LDB2: variants seen among roughly 807,000 people sequenced by gnomAD.
The protein encoded by LDB2 is LIM domain-binding protein 2.
A neutral mutation model predicts 44.3 loss-of-function variants in LDB2; 12 were observed. The observed-to-expected ratio is 0.27, with a 90% confidence interval of 0.17 to 0.44. The LOEUF is 0.44. Among genes scored for constraint, LDB2 ranks in the 20% least tolerant of loss-of-function variants. LDB2 has a pLI of 1.00. For synonymous variants in LDB2, 164 were observed against 174.8 expected (o/e 0.94, Z 0.49); for missense variants, 344 against 473.5 (o/e 0.73, Z 2.54).
intron 1 of LDB2, among the ~76,000 whole-genome samples, chr4:16,800,314 C>A (rs1248200058): frequency 6.6e-6 from 1 of 152,090 alleles, no homozygotes; most frequent in African/African-American, 2.4e-5. Flanking sequence ...TTATTTGTAT[C>A]GAGTTGATTA....
Position 16,795,790 on chromosome 4 carries a change from C to T in LDB2, c.133-36530G>A, listed in dbSNP as rs1348336382. On this transcript the variant is annotated intron_variant, in intron 1 of 7. Coordinates refer to ENST00000304523, the MANE Select transcript of LDB2 (RefSeq NM_001290.5). ...GTAGGACCAGTACATAATAGATAGTCGCTAAACGGTACCTATTATAATTGT... is the reference window on the plus strand; with the variant it reads ...GTAGGACCAGTACATAATAGATAGTTGCTAAACGGTACCTATTATAATTGT... Among the ~76,000 whole-genome samples the T allele has an allele frequency of 2.0e-5, 3 of 152,124 alleles. No homozygotes were observed. In the East Asian group the frequency reaches 5.8e-4, roughly 29 times the overall value.
At chr4:16,811,608 C>T (rs374373415) in intron 1 of LDB2, among the ~76,000 whole-genome samples, 2 of 152,174 alleles carry the variant, frequency 1.3e-5, no homozygotes, top group East Asian at 1.9e-4. Flanking sequence ...TGTAGTTTAT[C>T]TAACCCCAAA....
intron 5 of LDB2, among the ~76,000 whole-genome samples, chr4:16,545,279 A>G (rs994145954): frequency 1.3e-5 from 2 of 151,044 alleles, no homozygotes; most frequent in African/African-American, 4.9e-5. Flanking sequence ...TGCAGGATAG[A>G]TATTTCTGGT....
chr4:16,649,595 C>A (rs957877960), intron 2 of LDB2, among the ~76,000 whole-genome samples: 4 of 152,186 alleles, frequency 2.6e-5, no homozygotes, highest in Admixed American at 6.5e-5. Context: ...CAGATCCAGA[C>A]TGCTTAGATT....
chr4:16,840,952 T>C (rs563978414), intron 1 of LDB2, among the ~76,000 whole-genome samples: 33 of 152,308 alleles, frequency 2.2e-4, no homozygotes, highest in Admixed American at 2.0e-3. Flanking sequence ...GCCAGTAACA[T>C]AGACTTGATT....
chr4:16,821,059 A>G (rs778807118), intron 1 of LDB2, among the ~76,000 whole-genome samples: 36 of 152,218 alleles, frequency 2.4e-4, no homozygotes, highest in Non-Finnish European at 4.6e-4. Context: ...TTACAGCTAT[A>G]AAAGAAAAAT....
At chr4:16,511,432 T>G (rs921414364) in intron 6 of LDB2, among the ~76,000 whole-genome samples, 2 of 152,218 alleles carry the variant, frequency 1.3e-5, no homozygotes, top group African/African-American at 4.8e-5. Flanking sequence ...ATCAGAACTT[T>G]TGATACAATA....
chr4:16,732,569 A>G (rs1444873004), intron 2 of LDB2, among the ~76,000 whole-genome samples: 2 of 152,364 alleles, frequency 1.3e-5, no homozygotes, highest in Middle Eastern at 3.4e-3. Flanking sequence ...ATAGGATTTT[A>G]TAGTACAGAT....
At chr4:16,833,297 C>T (rs1205954798) in intron 1 of LDB2, among the ~76,000 whole-genome samples, 1 of 152,114 alleles carries the variant, frequency 6.6e-6, no homozygotes, top group Non-Finnish European at 1.5e-5. Flanking sequence ...CAATAAAGGA[C>T]TTTAAGATGA....
intron 2 of LDB2, among the ~76,000 whole-genome samples, chr4:16,749,788 A>G (rs1048442920): frequency 2.6e-5 from 4 of 152,036 alleles, no homozygotes; most frequent in African/African-American, 9.7e-5. Flanking sequence ...TGTGCTATTT[A>G]CCAGCATTGC....
intron 1 of LDB2, among the ~76,000 whole-genome samples, chr4:16,842,317 G>A (rs1786043514): frequency 6.6e-6 from 1 of 152,042 alleles, no homozygotes; most frequent in Admixed American, 6.6e-5. Context: ...ATCATACAAT[G>A]GTGGGACTGA....
At chr4:16,744,349 G>T (rs983457613) in intron 2 of LDB2, among the ~76,000 whole-genome samples, 14 of 150,818 alleles carry the variant, frequency 9.3e-5, no homozygotes, top group African/African-American at 3.4e-4. Flanking sequence ...TGGAAACAGG[G>T]TTTCACCATG....
chr4:16,729,634 T>C (rs283017), intron 2 of LDB2, among the ~76,000 whole-genome samples: 79,282 of 151,956 alleles, frequency 0.52, 20,989 homozygotes, highest in East Asian at 0.81. Flanking sequence ...CACTGGCCTC[T>C]TCCTATTATA....
At chr4:16,596,018 C>T (rs557732306) in intron 2 of LDB2, 143 bp from the exon 3 acceptor site, 4 of 762,198 alleles carry the variant, frequency 5.2e-6, no homozygotes, top group East Asian at 2.8e-5. Flanking sequence ...TCTTTAAAAA[C>T]AGCCATGACC....
At chr4:16,516,868 T>C (rs1723941776) in intron 5 of LDB2, among the ~76,000 whole-genome samples, 1 of 152,232 alleles carries the variant, frequency 6.6e-6, no homozygotes, top group Admixed American at 6.5e-5. Flanking sequence ...AAAGTCATTT[T>C]TCTTCCAGTG....
At chr4:16,543,808 CCATCAG>C (rs1254770741) in intron 5 of LDB2, among the ~76,000 whole-genome samples, 2 of 152,024 alleles carry the variant, frequency 1.3e-5, no homozygotes, top group African/African-American at 4.8e-5. Flanking sequence ...AAAGAAACTA[CCATCAG>C]AGTGAACAGG....
intron 1 of LDB2, among the ~76,000 whole-genome samples, chr4:16,844,774 A>G (rs942272855): frequency 1.3e-5 from 2 of 152,148 alleles, no homozygotes; most frequent in East Asian, 1.9e-4. Context: ...CAACATTAGC[A>G]CATTTTGCAG....
rs548269066 is a variant in LDB2, at chr4:16,788,002, G to A, written c.133-28742C>T. On this transcript the variant is annotated intron_variant, in intron 1 of 7. Transcript: ENST00000304523. ...TCTCTTTCTTCCTATAGGAATAAAT[G>A]AAACCAAGCTTGGGGTGCATGTGCC... Among the ~76,000 whole-genome samples the A allele has an allele frequency of 5.8e-4, 89 of 152,248 alleles. 1 individual carries two copies. Among genetic ancestry groups the A allele is most frequent in the African/African-American group, 1.9e-3 (81 of 41,564 alleles).
chr4:16,881,060 T>C (rs1196586322), intron 1 of LDB2, among the ~76,000 whole-genome samples: 1 of 152,166 alleles, frequency 6.6e-6, no homozygotes, highest in Non-Finnish European at 1.5e-5. Flanking sequence ...TGGGGATCAC[T>C]GAGGAACCAA....
Sources: gnomAD v4.1 joint callset for allele counts (sites outside exome capture counted in the v4.1 genomes callset) on GRCh38, gnomAD v4.1.1 for gene constraint, MANE v1.5 for transcripts, NCBI Gene and HGNC (gene_info 2026-07-23, HGNC 2026-07-21) for gene names.